Variants in PPP1R21 observed in about 807,000 individuals in gnomAD.
The protein encoded by PPP1R21 is protein phosphatase 1 regulatory subunit 21.
A neutral mutation model predicts 112.8 loss-of-function variants in PPP1R21; 85 were observed. That is an observed-to-expected ratio of 0.75 (90% CI 0.63 to 0.90). PPP1R21 has a LOEUF of 0.90. Ranked by LOEUF, PPP1R21 falls within the 40% of genes least tolerant of loss-of-function variation. The pLI is 0.00. For synonymous variants in PPP1R21, 381 were observed against 322.3 expected (o/e 1.18, Z -1.95); for missense variants, 1,199 against 901.5 (o/e 1.33, Z -4.23).
rs147284783 is a variant in PPP1R21, at chr2:48,460,519, A to G, written c.599+366A>G. ...TTTAATGGTACATTTTGAATAAAAT[A>G]GAGGTTATGCGATCTAATTTGGAGA... is the stretch of plus-strand genomic sequence containing the variant. On this transcript the variant is annotated intron_variant, in intron 6 of 21. Transcript: ENST00000294952. Among the ~76,000 whole-genome samples, 68 of 152,378 alleles carry G rather than the reference A, an allele frequency of 4.5e-4. 1 individual carries two copies. The East Asian group carries it at 8.9e-3, about 20-fold the overall frequency.
intron 15 of PPP1R21, among the ~76,000 whole-genome samples, chr2:48,494,495 C>T (rs1051050898): frequency 4.2e-4 from 64 of 151,676 alleles, no homozygotes; most frequent in African/African-American, 4.1e-4. Flanking sequence ...GGCGCGATCT[C>T]GGCTCACCAC....
intron 16 of PPP1R21, among the ~76,000 whole-genome samples, chr2:48,497,524 G>A (rs980279811): frequency 6.6e-6 from 1 of 152,030 alleles, no homozygotes; most frequent in Admixed American, 6.6e-5. Flanking sequence ...TGCTTTTTCA[G>A]GTCTGGCTTT....
intron 9 of PPP1R21, among the ~76,000 whole-genome samples, chr2:48,467,012 T>C (rs1163804823): frequency 6.6e-6 from 1 of 152,026 alleles, no homozygotes; most frequent in Non-Finnish European, 1.5e-5. Context: ...GTCGGAAAAA[T>C]TAATTTGCTG....
At chr2:48,445,623 T>C (rs1374137292) in intron 1 of PPP1R21, among the ~76,000 whole-genome samples, 1 of 152,172 alleles carries the variant, frequency 6.6e-6, no homozygotes, top group Middle Eastern at 3.2e-3. Context: ...CCTCTTCCTG[T>C]TTAGTTTAAC....
chr2:48,461,432 C>G (rs891847463), intron 7 of PPP1R21, among the ~76,000 whole-genome samples, 200 bp downstream of exon 7: 4 of 152,144 alleles, frequency 2.6e-5, no homozygotes, highest in Non-Finnish European at 4.4e-5. Context: ...TACTCCAAAG[C>G]TGGTCTTCTT....
At chr2:48,507,467 C>G in intron 19 of PPP1R21, 82 bp downstream of exon 19, 1 of 1,536,726 alleles carries the variant, frequency 6.5e-7, no homozygotes, top group Non-Finnish European at 8.6e-7. Context: ...TCATGCTGTT[C>G]ACTGTAAGAG....
rs115068044 is a variant in PPP1R21 at position 48,471,512 on chromosome 2, A to G, written c.1088+145A>G. The G allele has an allele frequency of 1.4e-3, 1,062 of 767,888 alleles. 14 individuals carry two copies. The African/African-American group carries it at 0.016, about 12-fold the overall frequency. 47.6% of individuals were successfully genotyped at this position (767,888 alleles called of 1,614,324 possible). On this transcript the variant is annotated intron_variant, in intron 11 of 21. Transcript: ENST00000294952. ...TAATTTGGACTTCCGTGAAAAAGGA[A>G]AAGCATGGTTGAGCAGCATTAACTT... is the stretch of plus-strand genomic sequence containing the variant.
chr2:48,498,646 G>A lies in PPP1R21; in HGVS notation c.1846G>A (p.Ala616Thr), dbSNP rs1482753579. The change falls in exon 17 of 22, where the codon GCC becomes ACC. Residue 616 changes from alanine to threonine, a missense_variant. Physicochemically the swap from Ala to Thr is moderately conservative, Grantham distance 58. Transcript: ENST00000294952. ...AGGTAGTGCCCAGCTGGTTGGGCTG[G>A]CCCAGGAAAATGCTGCTGTGTCAAA... ...NTGSAQLVGL[A>T]QENAAVSNTA... is the part of the protein sequence containing the mutation. 2 of 1,614,222 alleles carry A rather than the reference G, an allele frequency of 1.2e-6. No homozygotes were observed. The highest frequency in any genetic ancestry group is 4.5e-5 in the East Asian group (2 of 44,876).
chr2:48,457,489 C>A (rs557395098), intron 3 of PPP1R21, among the ~76,000 whole-genome samples: 222 of 152,198 alleles, frequency 1.5e-3, no homozygotes, highest in Non-Finnish European at 2.2e-3. Flanking sequence ...CTATGTATTA[C>A]ATGAAAACAA....
At position 48,511,195 on chromosome 2, in the gene PPP1R21, T is replaced by C. The variant is rs1290051376; in HGVS notation, c.2185-145T>C. On this transcript the variant is annotated intron_variant, in intron 20 of 21. Coordinates refer to ENST00000294952, the MANE Select transcript of PPP1R21 (RefSeq NM_001135629.3). ...TTTGTGTTGGGAACATAATAATTCT[T>C]CTTTTGTAGCTATTTTGAAATATAC... The C allele has an allele frequency of 7.2e-6, 6 of 837,370 alleles. No homozygotes were observed. In the Admixed American group the frequency reaches 1.5e-4, roughly 21 times the overall value. The allele number at this position is 837,370 out of a possible 1,614,324, so 51.9% of individuals were successfully genotyped here.
At chr2:48,485,971 A>G (rs1669273745) in intron 13 of PPP1R21, among the ~76,000 whole-genome samples, 1 of 147,988 alleles carries the variant, frequency 6.8e-6, no homozygotes. Flanking sequence ...ATAGTTTTAT[A>G]TATTATATTA....
At chr2:48,486,339 G>A (rs1669295003) in intron 13 of PPP1R21, among the ~76,000 whole-genome samples, 1 of 151,990 alleles carries the variant, frequency 6.6e-6, no homozygotes, top group Non-Finnish European at 1.5e-5. Context: ...GTTTTTAACT[G>A]GTAAATACAG....
At chr2:48,464,604 A>G (rs1572846273) in intron 7 of PPP1R21, among the ~76,000 whole-genome samples, 1 of 152,168 alleles carries the variant, frequency 6.6e-6, no homozygotes, top group Admixed American at 6.5e-5. Flanking sequence ...GGGTTATTTT[A>G]GAAGGGAGAA....
intron 12 of PPP1R21, among the ~76,000 whole-genome samples, chr2:48,478,578 G>T (rs1308060375): frequency 1.3e-5 from 2 of 152,120 alleles, no homozygotes; most frequent in South Asian, 4.2e-4. Flanking sequence ...GGCATCAATT[G>T]TCTATTCAGA....
At chr2:48,479,438 G>A (rs748826620) in intron 12 of PPP1R21, 7 of 470,342 alleles carry the variant, frequency 1.5e-5, no homozygotes, top group African/African-American at 6.0e-5. Flanking sequence ...CCTTAGAACC[G>A]TCTCCAGAGA....
intron 1 of PPP1R21, among the ~76,000 whole-genome samples, chr2:48,444,120 G>A (rs553467731): frequency 6.6e-5 from 10 of 152,322 alleles, no homozygotes; most frequent in Non-Finnish European, 1.3e-4. Context: ...AAGATGAACT[G>A]TGGAGGTCAA....
intron 13 of PPP1R21, among the ~76,000 whole-genome samples, chr2:48,480,890 C>T (rs561729831): frequency 5.9e-5 from 9 of 152,200 alleles, no homozygotes; most frequent in Non-Finnish European, 5.9e-5. Flanking sequence ...TAATCTGTGG[C>T]ACTGGGATTC....
intron 13 of PPP1R21, among the ~76,000 whole-genome samples, chr2:48,484,556 GC>G (rs1276088587): frequency 7.4e-6 from 1 of 134,482 alleles, no homozygotes; most frequent in African/African-American, 2.8e-5. Flanking sequence ...TTGCTCTGTT[GC>G]CCAGGCTGGA....
rs1190933295 is a variant in PPP1R21 at position 48,471,336 on chromosome 2, C to T, written c.1057C>T (p.Leu353Phe). 1.2e-6 allele frequency: 2 copies of T among 1,609,778 alleles called. No individual in the cohort carries two copies. Among genetic ancestry groups the T allele is most frequent in the African/African-American group, 1.3e-5 (1 of 74,638 alleles). ...ACACTTAACCTCCTACATATGTTTT[C>T]TTAGGAAGATTCTTCCCTATCAGTT... Reference protein sequence around the residue: ...SEHLTSYICFLRKILPYQLKS... With the variant: ...SEHLTSYICFFRKILPYQLKS... The change falls in exon 11 of 22, where the codon CTT becomes TTT. Residue 353 changes from leucine (L) to phenylalanine (F), a missense_variant. Physicochemically the swap from Leu to Phe is conservative, Grantham distance 22. Transcript: ENST00000294952.
Sources: gnomAD v4.1 joint callset for allele counts (sites outside exome capture counted in the v4.1 genomes callset) on GRCh38, gnomAD v4.1.1 for gene constraint, MANE v1.5 for transcripts, NCBI Gene and HGNC (gene_info 2026-07-23, HGNC 2026-07-21) for gene names.